SPSB2: variants seen among roughly 807,000 people sequenced by gnomAD.
SPSB2 encodes the protein splA/ryanodine receptor domain and SOCS box containing 2, also known as SPRY domain-containing SOCS box protein 2.
SPSB2 carries 25 observed loss-of-function variants against 19.2 expected under a neutral mutation model. The ratio of observed to expected loss-of-function variants is 1.30; its 90% CI spans 0.95 to 1.82. SPSB2 has a LOEUF of 1.82. Among genes scored for constraint, SPSB2 ranks in the 40% most tolerant of loss-of-function variants. The pLI is 0.00. For missense variants in SPSB2, 413 were observed against 344.9 expected (o/e 1.20, Z -1.56); for synonymous variants, 153 against 154.9 (o/e 0.99, Z 0.09).
In SPSB2 at chr12:6,871,251, C is replaced by G. The variant is rs200625865; in HGVS notation, c.733G>C (p.Gly245Arg). 1.9e-6 allele frequency: 3 copies of G among 1,613,480 alleles called. No individual in the cohort carries two copies. In the East Asian group the frequency reaches 6.7e-5, roughly 36 times the overall value. Residue 245 changes from glycine (G) to arginine (R), a missense_variant, in exon 3 of 3, where the codon GGC becomes CGC. Coordinates refer to ENST00000524270, the MANE Select transcript of SPSB2 (RefSeq NM_032641.4). ...VRHNLGDTRL[G>R]QVSALPLPPA... is the part of the protein sequence containing the mutation. ...GGCAAGGGCAGGGCAGACACCTGGC[C>G]GAGCCGGGTATCCCCCAGGTTGTGG...
chr12:6,871,968 C>T (rs782802061), intron 2 of SPSB2: 372 of 1,442,694 alleles, frequency 2.6e-4, no homozygotes, highest in Non-Finnish European at 3.2e-4. Flanking sequence ...ATTCTCTCAT[C>T]CCTGCAGTTC....
In SPSB2 at chr12:6,872,641, G is replaced by C; in HGVS notation, c.261C>G (p.Gly87=). 1.2e-6 allele frequency: 2 copies of C among 1,611,534 alleles called. No individual in the cohort carries two copies. The highest frequency in any genetic ancestry group is 1.7e-6 in the Non-Finnish European group (2 of 1,179,954). ...GARGKRGYSR[G]LHAWEISWPL... ...GCCAGCTGATCTCCCAGGCGTGCAG[G>C]CCCCTTGAATAGCCCCTCTTACCCC... Residue 87 remains glycine, a synonymous_variant, in exon 2 of 3, where the codon GGC becomes GGG. Transcript: ENST00000524270.
intron 2 of SPSB2, 62 bp downstream of exon 2, chr12:6,872,176 T>A: frequency 6.2e-7 from 1 of 1,613,564 alleles, no homozygotes; most frequent in Non-Finnish European, 8.5e-7. Flanking sequence ...CAGAAGAGTT[T>A]CCATCCCAAA....
chr12:6,871,059 G>T lies in SPSB2; in HGVS notation c.*133C>A. On this transcript the variant is annotated 3_prime_UTR_variant, in exon 3 of 3. Transcript: ENST00000524270. The stretch of plus-strand genomic sequence containing the variant: ...AGTGGCTCTGGGGCTGTTGATTTCC[G>T]CAGAGCTTGGGTTGGGGTAGGGGCT... 1.7e-6 allele frequency: 2 copies of T among 1,178,970 alleles called. No individual in the cohort carries two copies. Among genetic ancestry groups the T allele is most frequent in the Non-Finnish European group, 1.2e-6 (1 of 833,924 alleles). The allele number at this position is 1,178,970 out of a possible 1,614,324, so 73.0% of individuals were successfully genotyped here.
rs1555133896 is a variant in SPSB2 at position 6,872,505 on chromosome 12, A to G, written c.397T>C (p.Trp133Arg). ...TACAGCTTCCCCCGCCCGATGTCCC[A>G]GCCCCACGACTCGCTGTTGCTGCCC... ...LLGSNSESWG[W>R]DIGRGKLYHQ... Residue 133 changes from tryptophan (W) to arginine (R), a missense_variant, in exon 2 of 3, where the codon TGG (tryptophan) becomes CGG (arginine). Physicochemically the swap from Trp to Arg is moderately radical, Grantham distance 101 (BLOSUM62 -3). Transcript: ENST00000524270. 1.9e-6 allele frequency: 3 copies of G among 1,612,606 alleles called. No homozygotes were observed. Among genetic ancestry groups the G allele is most frequent in the Admixed American group, 1.7e-5 (1 of 60,002 alleles).
In SPSB2 at chr12:6,871,151, G is replaced by GT; in HGVS notation, c.*40dup. 1.3e-6 allele frequency: 2 copies of GT among 1,561,858 alleles called. No individual in the cohort carries two copies. The highest frequency in any genetic ancestry group is 8.7e-7 in the Non-Finnish European group (1 of 1,153,352). On this transcript the variant is annotated 3_prime_UTR_variant, in exon 3 of 3. Coordinates refer to ENST00000524270, the MANE Select transcript of SPSB2 (RefSeq NM_032641.4). ...CCTCCCCACCTCCCCAAGGGGAGGG[G>GT]TGGTGGCAAGACCTCAGCACAGTCT...
chr12:6,871,089 CTCACCAGCTT>C lies in SPSB2; in HGVS notation c.*93_*102del. Reference sequence around the variant, plus strand: ...GCTTGGGTTGGGGTAGGGGCTCAGCCTCACCAGCTTTCAGCAGCTGGTCTAGGCCAGCAGT... The same window carrying C: ...GCTTGGGTTGGGGTAGGGGCTCAGCCTCAGCAGCTGGTCTAGGCCAGCAGT... On this transcript the variant is annotated 3_prime_UTR_variant, in exon 3 of 3. Coordinates refer to ENST00000524270, the MANE Select transcript of SPSB2 (RefSeq NM_032641.4). The C allele has an allele frequency of 6.9e-7, 1 of 1,443,820 alleles. No homozygotes were observed. The highest frequency in any genetic ancestry group is 2.0e-5 in the Admixed American group (1 of 49,876). 89.4% of individuals were successfully genotyped at this position (1,443,820 alleles called of 1,614,324 possible).
Position 6,872,999 on chromosome 12 carries a change from T to C in SPSB2, c.-96-2A>G. On this transcript the variant is annotated splice_acceptor_variant, in intron 1 of 2. Coordinates refer to ENST00000524270, the MANE Select transcript of SPSB2 (RefSeq NM_032641.4). LOFTEE classifies it low-confidence loss of function (5UTR_SPLICE). ...AGTTTGGATTGACCTGGAAGGGAGCTGGGAGAAAAGGGGCGTGAAGAGCAG... is the reference window on the plus strand; with the variant it reads ...AGTTTGGATTGACCTGGAAGGGAGCCGGGAGAAAAGGGGCGTGAAGAGCAG... 3 of 851,606 alleles carry C rather than the reference T, an allele frequency of 3.5e-6. No homozygotes were observed. Among genetic ancestry groups the C allele is most frequent in the Non-Finnish European group, 5.4e-6 (3 of 556,980 alleles). 52.8% of individuals were successfully genotyped at this position (851,606 alleles called of 1,614,324 possible). A position where few individuals can be genotyped will look rare whatever the true frequency, so the allele number is the denominator to read the frequency against.
In SPSB2 at chr12:6,872,913, G is replaced by C. The variant is rs782622112; in HGVS notation, c.-12C>G. On this transcript the variant is annotated 5_prime_UTR_variant, in exon 2 of 3. Coordinates refer to ENST00000524270, the MANE Select transcript of SPSB2 (RefSeq NM_032641.4). The stretch of plus-strand genomic sequence containing the variant: ...GCTGTCTGGCCCATGGAGGTGAGGA[G>C]CTAGAGGACTCCCCGAAAGAGGCTT... The C allele has an allele frequency of 5.2e-6, 8 of 1,531,056 alleles. No individual in the cohort carries two copies. The highest frequency in any genetic ancestry group is 7.0e-6 in the Non-Finnish European group (8 of 1,136,422). 94.8% of individuals were successfully genotyped at this position (1,531,056 alleles called of 1,614,324 possible). A position where few individuals can be genotyped will look rare whatever the true frequency, so the allele number is the denominator to read the frequency against.
In SPSB2 at chr12:6,872,657, C is replaced by G. The variant is rs1555134057; in HGVS notation, c.245G>C (p.Arg82Thr). ...AQSTDGARGK[R>T]GYSRGLHAWE... ...GGCGTGCAGGCCCCTTGAATAGCCC[C>G]TCTTACCCCGGGCCCCATCAGTGCT... is the stretch of plus-strand genomic sequence containing the variant. Residue 82 changes from arginine (R) to threonine (T), a missense_variant, in exon 2 of 3, where the codon AGG becomes ACG. By Grantham distance (71) the Arg-to-Thr change is moderately conservative (BLOSUM62 -1). Coordinates refer to ENST00000524270, the MANE Select transcript of SPSB2 (RefSeq NM_032641.4). 2 of 1,612,282 alleles carry G rather than the reference C, an allele frequency of 1.2e-6. No individual in the cohort carries two copies. The highest frequency in any genetic ancestry group is 3.3e-5 in the Admixed American group (2 of 60,030).
Position 6,872,225 on chromosome 12 carries a change from C to T in SPSB2, c.664+13G>A. 6.2e-7 allele frequency: 1 copy of T among 1,614,056 alleles called. No individual in the cohort carries two copies. On this transcript the variant is annotated intron_variant, in intron 2 of 2. Coordinates refer to ENST00000524270, the MANE Select transcript of SPSB2 (RefSeq NM_032641.4). Reference sequence around the variant, plus strand: ...GGACAGAAAGTTCTCCCCACGTCTGCCCCAGGCCTCACCTCTCCTTTCGCC... The same window carrying T: ...GGACAGAAAGTTCTCCCCACGTCTGTCCCAGGCCTCACCTCTCCTTTCGCC...
In SPSB2 at chr12:6,871,221, CAG is replaced by C; in HGVS notation, c.761_762del (p.Pro254ArgfsTer37). ...LGQVSALPLP[P>X]AMKRYLLYQ ...TGGTAGAGCAGGTAGCGCTTCATGG[CAG>C]GGGGCAAGGGCAGGGCAGACACCTG... On this transcript the variant is annotated frameshift_variant, in exon 3 of 3. Transcript: ENST00000524270. LOFTEE classifies it high-confidence loss of function. 1 of 1,610,600 alleles carries C rather than the reference CAG, an allele frequency of 6.2e-7. No homozygotes were observed. The highest frequency in any genetic ancestry group is 8.5e-7 in the Non-Finnish European group (1 of 1,178,438).
intron 2 of SPSB2, 30 bp downstream of exon 2, chr12:6,872,208 A>T (rs782550937): frequency 1.2e-6 from 2 of 1,613,882 alleles, no homozygotes; most frequent in Non-Finnish European, 1.7e-6. Context: ...AGGGACAGAA[A>T]GTTCTCCCCA....
Position 6,872,333 on chromosome 12 carries a change from G to A in SPSB2, c.569C>T (p.Ala190Val). 1.2e-6 allele frequency: 2 copies of A among 1,614,210 alleles called. No individual in the cohort carries two copies. The highest frequency in any genetic ancestry group is 1.7e-6 in the Non-Finnish European group (2 of 1,180,040). Residue 190 changes from alanine (A) to valine (V), a missense_variant, in exon 2 of 3, where the codon GCA becomes GTA. Ala to Val is a moderately conservative substitution (Grantham distance 64). Transcript: ENST00000524270. The part of the protein sequence containing the change: ...YAIGGTYLGP[A>V]FRGLKGRTLY... The stretch of plus-strand genomic sequence containing the variant: ...GGTCCTGCCCTTCAGTCCGCGGAAT[G>A]CTGGCCCCAGGTAGGTGCCCCCAAT...
intron 2 of SPSB2, chr12:6,871,560 T>G (rs185007274): frequency 1.8e-6 from 1 of 563,328 alleles, no homozygotes; most frequent in Non-Finnish European, 3.1e-6. Flanking sequence ...AAGGTGGCTC[T>G]GACAGTGGTG....
chr12:6,872,356 A>G lies in SPSB2; in HGVS notation c.546T>C (p.Ile182=), dbSNP rs1944613092. The change falls in exon 2 of 3, where the codon ATT becomes ATC. Residue 182 remains isoleucine (I), a synonymous_variant. Coordinates refer to ENST00000524270, the MANE Select transcript of SPSB2 (RefSeq NM_032641.4). ...ATGCTGGCCCCAGGTAGGTGCCCCC[A>G]ATAGCGTAGCCCAGAGTTCCCTCCT... The part of the protein sequence containing the change: ...DMEEGTLGYA[I]GGTYLGPAFR... 3.7e-6 allele frequency: 6 copies of G among 1,614,042 alleles called. No individual in the cohort carries two copies. In the South Asian group the frequency reaches 5.5e-5, roughly 15 times the overall value.
In SPSB2 at chr12:6,871,086, A is replaced by G; in HGVS notation, c.*106T>C. The stretch of plus-strand genomic sequence containing the variant: ...AGAGCTTGGGTTGGGGTAGGGGCTC[A>G]GCCTCACCAGCTTTCAGCAGCTGGT... On this transcript the variant is annotated 3_prime_UTR_variant, in exon 3 of 3. Coordinates refer to ENST00000524270, the MANE Select transcript of SPSB2 (RefSeq NM_032641.4). 7.0e-7 allele frequency: 1 copy of G among 1,433,358 alleles called. No homozygotes were observed. The highest frequency in any genetic ancestry group is 1.2e-5 in the South Asian group (1 of 80,264). The allele number at this position is 1,433,358 out of a possible 1,614,324, so 88.8% of individuals were successfully genotyped here. A position where few individuals can be genotyped will look rare whatever the true frequency, so the allele number is the denominator to read the frequency against.
rs1944602691 is a variant in SPSB2 at position 6,871,926 on chromosome 12, G to A, written c.664+312C>T. On this transcript the variant is annotated intron_variant, in intron 2 of 2. Transcript: ENST00000524270. Reference sequence around the variant, plus strand: ...CATCAAACCCAGTACCTAACGCTTTGCACCTCTTGCTCAGGGGTTGATATC... The same window carrying A: ...CATCAAACCCAGTACCTAACGCTTTACACCTCTTGCTCAGGGGTTGATATC... 10 of 1,327,376 alleles carry A rather than the reference G, an allele frequency of 7.5e-6. No homozygotes were observed. In the South Asian group the frequency reaches 1.4e-4, roughly 19 times the overall value. The allele number at this position is 1,327,376 out of a possible 1,614,324, so 82.2% of individuals were successfully genotyped here. A position where few individuals can be genotyped will look rare whatever the true frequency, so the allele number is the denominator to read the frequency against.
chr12:6,872,492 C>CG lies in SPSB2; in HGVS notation c.409dup (p.Arg137ProfsTer23). ...CTTGCTCTGATGGTACAGCTTCCCCCGCCCGATGTCCCAGCCCCACGACTC... is the reference window on the plus strand; with the variant it reads ...CTTGCTCTGATGGTACAGCTTCCCCCGGCCCGATGTCCCAGCCCCACGACTC... On this transcript the variant is annotated frameshift_variant, in exon 2 of 3. Transcript: ENST00000524270. LOFTEE classifies it high-confidence loss of function. 6.2e-7 allele frequency: 1 copy of CG among 1,613,022 alleles called. No individual in the cohort carries two copies. Among genetic ancestry groups the CG allele is most frequent in the African/African-American group, 1.3e-5 (1 of 75,068 alleles).
Sources: gnomAD v4.1 joint callset for allele counts on GRCh38, gnomAD v4.1.1 for gene constraint, MANE v1.5 for transcripts, NCBI Gene and HGNC (gene_info 2026-07-23, HGNC 2026-07-21) for gene names.